The following DIAPH2 variants were observed in gnomAD, a reference collection of about 807,000 sequenced individuals.
DIAPH2 encodes diaphanous related formin 2, also known as protein diaphanous homolog 2.
DIAPH2 carries 35 observed loss-of-function variants against 92.7 expected under a neutral mutation model. The observed-to-expected ratio is 0.38, with a 90% CI of 0.29 to 0.50. The LOEUF (loss-of-function observed/expected upper bound fraction) is 0.50. DIAPH2 is among the 20% of genes least tolerant of loss of function. The probability of loss-of-function intolerance (pLI) is 0.94; values close to 1 mark genes in which losing one functional copy is unlikely to be tolerated. For missense variants in DIAPH2, 701 were observed against 819.5 expected, an observed-to-expected ratio of 0.86 and a Z score of 1.77; for synonymous variants, 301 against 280.4, an observed-to-expected ratio of 1.07 and a Z score of -0.73.
intron 26 of DIAPH2, among the ~76,000 whole-genome samples, chrX:97,481,701 C>T (rs910655443): frequency 8.1e-5 from 9 of 111,230 alleles, no homozygotes; most frequent in African/African-American, 3.0e-4. Context: ...ATAATTCATA[C>T]TCTTTTGTAT....
At chrX:97,100,158 T>G (rs2066896796) in intron 20 of DIAPH2, among the ~76,000 whole-genome samples, 1 of 110,815 alleles carries the variant, frequency 9.0e-6, no homozygotes, top group South Asian at 3.8e-4. Context: ...AAAAGTAGGT[T>G]AAAATAAAAG....
intron 17 of DIAPH2, among the ~76,000 whole-genome samples, chrX:96,970,350 G>GTTGTTTGTTTGT (rs147570185): frequency 9.4e-6 from 1 of 106,055 alleles, no homozygotes; most frequent in Non-Finnish European, 1.9e-5. Context: ...TCTGGGTGTT[G>GTTGTTTGTTTGT]TTGTTTGTTT....
chrX:96,778,586 G>T (rs745402317), intron 4 of DIAPH2, among the ~76,000 whole-genome samples: 2 of 110,545 alleles, frequency 1.8e-5, no homozygotes, highest in African/African-American at 3.3e-5. Context: ...TATAGAGCCC[G>T]TATTCAAATT....
At chrX:97,224,855 C>T (rs1043294077) in intron 22 of DIAPH2, among the ~76,000 whole-genome samples, 5 of 111,179 alleles carry the variant, frequency 4.5e-5, no homozygotes, top group African/African-American at 1.6e-4. Context: ...TCTCTAAACC[C>T]ACCTCTTTGT....
chrX:96,688,900 G>C (rs1164730429), intron 1 of DIAPH2, among the ~76,000 whole-genome samples: 1 of 110,039 alleles, frequency 9.1e-6, no homozygotes, highest in Non-Finnish European at 1.9e-5. Flanking sequence ...GCAGTGAGCT[G>C]TGACTATACC....
At chrX:96,934,979 T>C (rs1167039669) in intron 10 of DIAPH2, among the ~76,000 whole-genome samples, 1 of 111,975 alleles carries the variant, frequency 8.9e-6, no homozygotes, top group Non-Finnish European at 1.9e-5. Context: ...TGTTTGACTG[T>C]TAATCAGCAG....
intron 13 of DIAPH2, among the ~76,000 whole-genome samples, chrX:96,944,570 A>G (rs181216822): frequency 1.8e-5 from 2 of 111,926 alleles, no homozygotes; most frequent in East Asian, 5.6e-4. Context: ...TACTAGTTAC[A>G]TTTTATAGTC....
chrX:97,385,973 A>C (rs1318636803), intron 25 of DIAPH2, among the ~76,000 whole-genome samples: 1 of 112,072 alleles, frequency 8.9e-6, no homozygotes, highest in Non-Finnish European at 1.9e-5. Flanking sequence ...AGAGTTAATT[A>C]TTATTATGTG....
At chrX:97,057,193 C>G (rs1007355551) in intron 17 of DIAPH2, among the ~76,000 whole-genome samples, 1 of 111,668 alleles carries the variant, frequency 9.0e-6, no homozygotes, top group East Asian at 2.8e-4. Flanking sequence ...TAAATAAAAC[C>G]TGAAACAAAA....
At chrX:97,179,123 T>G (rs975346183) in intron 22 of DIAPH2, among the ~76,000 whole-genome samples, 6 of 111,603 alleles carry the variant, frequency 5.4e-5, no homozygotes, top group African/African-American at 2.0e-4. Context: ...AACCAGTATT[T>G]ACCATATAAC....
At chrX:97,220,088 C>T (rs1160311233) in intron 22 of DIAPH2, among the ~76,000 whole-genome samples, 1 of 111,368 alleles carries the variant, frequency 9.0e-6, no homozygotes, top group East Asian at 2.8e-4. Context: ...AAAATTACAC[C>T]TATATTTATT....
intron 9 of DIAPH2, among the ~76,000 whole-genome samples, chrX:96,921,975 C>G (rs1404980264): frequency 9.0e-6 from 1 of 111,347 alleles, no homozygotes; most frequent in Non-Finnish European, 1.9e-5. Flanking sequence ...TGACTGGTAT[C>G]ATAAAATTAA....
intron 12 of DIAPH2, among the ~76,000 whole-genome samples, chrX:96,940,290 A>G (rs1396749017): frequency 1.8e-5 from 2 of 112,396 alleles, no homozygotes; most frequent in African/African-American, 6.5e-5. Context: ...TATGTCTAGT[A>G]GTGTCATCCT....
chrX:96,765,442 G>A (rs6523056), intron 4 of DIAPH2, among the ~76,000 whole-genome samples: 17,234 of 110,006 alleles, frequency 0.16, 1,177 homozygotes, highest in East Asian at 0.33. Flanking sequence ...CAAGCGATCC[G>A]CCTGCCCTGG....
At chrX:97,139,026 C>G (rs1306889853) in intron 21 of DIAPH2, among the ~76,000 whole-genome samples, 1 of 111,289 alleles carries the variant, frequency 9.0e-6, no homozygotes, top group Admixed American at 9.6e-5. Flanking sequence ...TAAACTAACT[C>G]AAACATTTTG....
chrX:97,244,778 C>T (rs2068125377), intron 22 of DIAPH2, among the ~76,000 whole-genome samples: 1 of 111,409 alleles, frequency 9.0e-6, no homozygotes, highest in South Asian at 3.8e-4. Context: ...TGTTGGTTTC[C>T]TCAGGGTGCA....
At chrX:96,910,878 T>A (rs1345242131) in intron 5 of DIAPH2, among the ~76,000 whole-genome samples, 1 of 111,259 alleles carries the variant, frequency 9.0e-6, no homozygotes, top group East Asian at 2.8e-4. Context: ...AAATATTACA[T>A]GGAGATTTTG....
intron 26 of DIAPH2, among the ~76,000 whole-genome samples, chrX:97,486,131 C>G (rs984596343): frequency 2.7e-5 from 3 of 110,677 alleles, no homozygotes; most frequent in Non-Finnish European, 3.8e-5. Flanking sequence ...AAATAAGATA[C>G]CCGGTGTAAT....
intron 22 of DIAPH2, among the ~76,000 whole-genome samples, chrX:97,191,779 G>A (rs2067655834): frequency 1.8e-5 from 2 of 111,136 alleles, no homozygotes; most frequent in African/African-American, 6.5e-5. Flanking sequence ...TTAAATCTTA[G>A]GGAGACAAGG....
Sources: allele counts gnomAD v4.1 joint callset (sites outside exome capture counted in the v4.1 genomes callset), GRCh38; gene constraint gnomAD v4.1.1; transcripts MANE v1.5; gene names NCBI Gene and HGNC (gene_info 2026-07-23, HGNC 2026-07-21).